The following PAMR1 variants were observed in gnomAD, a reference collection of about 807,000 sequenced individuals.
PAMR1 encodes peptidase domain containing associated with muscle regeneration 1.
PAMR1 carries 88 observed loss-of-function variants against 81.8 expected under a neutral mutation model. The observed-to-expected ratio is 1.08, with a 90% CI of 0.91 to 1.28. PAMR1 has a LOEUF of 1.28. Ranked by LOEUF, PAMR1 falls within the 50% of genes most tolerant of loss-of-function variation. PAMR1 has a pLI of 0.00. For synonymous variants in PAMR1, 336 were observed against 345.3 expected, an observed-to-expected ratio of 0.97 and a Z score of 0.30; for missense variants, 935 against 919.7, an observed-to-expected ratio of 1.02 and a Z score of -0.21.
At chr11:35,486,040 C>T (rs1418157050) in intron 3 of PAMR1, among the ~76,000 whole-genome samples, 1 of 152,230 alleles carries the variant, frequency 6.6e-6, no homozygotes, top group Non-Finnish European at 1.5e-5. Context: ...GAATTCCCTA[C>T]ACATTTATTT....
chr11:35,480,753 G>A (rs1307837132), intron 3 of PAMR1, among the ~76,000 whole-genome samples: 2 of 152,064 alleles, frequency 1.3e-5, no homozygotes, highest in Non-Finnish European at 2.9e-5. Context: ...TTGTTACATA[G>A]GAATACACGT....
At position 35,437,046 on chromosome 11, in the gene PAMR1, C is replaced by G. The variant is rs79146052; in HGVS notation, c.1101-911G>C. Among the ~76,000 whole-genome samples the G allele has an allele frequency of 5.1e-3, 769 of 152,250 alleles. 5 individuals carry two copies. Among genetic ancestry groups the G allele is most frequent in the African/African-American group, 0.018 (727 of 41,530 alleles). ...TACACCTCAGAGAATAGAACTTTCTCTCAGGGCGCATTGATCGGGAGAAAT... is the reference window on the plus strand; with the variant it reads ...TACACCTCAGAGAATAGAACTTTCTGTCAGGGCGCATTGATCGGGAGAAAT... On this transcript the variant is annotated intron_variant, in intron 8 of 10. Transcript: ENST00000619888.
chr11:35,461,329 G>A (rs1856650007), intron 6 of PAMR1, among the ~76,000 whole-genome samples: 1 of 152,214 alleles, frequency 6.6e-6, no homozygotes, highest in Non-Finnish European at 1.5e-5. Context: ...AGCTCTTGGA[G>A]GTAGTCTTGC....
chr11:35,462,096 G>A (rs550223216), intron 6 of PAMR1, among the ~76,000 whole-genome samples: 4 of 151,372 alleles, frequency 2.6e-5, no homozygotes, highest in Non-Finnish European at 5.9e-5. Flanking sequence ...TTACTCTGAA[G>A]TCTTGTCTCC....
intron 3 of PAMR1, among the ~76,000 whole-genome samples, chr11:35,475,900 A>G (rs1850276313): frequency 6.6e-6 from 1 of 152,222 alleles, no homozygotes; most frequent in Non-Finnish European, 1.5e-5. Context: ...CCCTATTTCT[A>G]TACAGAAATC....
chr11:35,514,301 C>T (rs150746658), intron 1 of PAMR1, among the ~76,000 whole-genome samples: 31 of 152,292 alleles, frequency 2.0e-4, no homozygotes, highest in South Asian at 4.1e-4. Context: ...GGCAAGGGAA[C>T]GAAGGAGGCG....
At chr11:35,448,205 G>T (rs2135350345) in intron 6 of PAMR1, among the ~76,000 whole-genome samples, 1 of 152,302 alleles carries the variant, frequency 6.6e-6, no homozygotes, top group South Asian at 2.1e-4. Flanking sequence ...CTAGGTTGGG[G>T]AAGTTCTCCT....
chr11:35,457,582 A>C (rs1856563001), intron 6 of PAMR1, among the ~76,000 whole-genome samples: 1 of 152,084 alleles, frequency 6.6e-6, no homozygotes, highest in Non-Finnish European at 1.5e-5. Flanking sequence ...GACCTCTATT[A>C]AGTTAGCTCC....
intron 1 of PAMR1, among the ~76,000 whole-genome samples, chr11:35,499,511 G>A (rs1590379563): frequency 6.6e-6 from 1 of 152,238 alleles, no homozygotes; most frequent in Non-Finnish European, 1.5e-5. Context: ...AACATGGAAG[G>A]CCATTTAAGG....
At chr11:35,445,108 A>C (rs945051862) in intron 6 of PAMR1, among the ~76,000 whole-genome samples, 1 of 152,102 alleles carries the variant, frequency 6.6e-6, no homozygotes, top group Non-Finnish European at 1.5e-5. Flanking sequence ...GGCAATTGTG[A>C]ATGGGAGTTC....
chr11:35,492,127 C>T lies in PAMR1; in HGVS notation c.297G>A (p.Trp99Ter). ...ENCKSCRNGS[W>*]GGTLDDFYVK... ...CATAGAAGTCATCCAAGGTACCCCC[C>T]CATGAGCCATTTCGGCAGCTCTTGC... The change falls in exon 3 of 11, where the codon TGG becomes TGA. Residue 99 changes from tryptophan (W) to a stop codon, truncating the protein, a stop_gained. Coordinates refer to ENST00000619888, the MANE Select transcript of PAMR1 (RefSeq NM_001001991.3). LOFTEE classifies it high-confidence loss of function. 1 of 1,614,138 alleles carries T rather than the reference C, an allele frequency of 6.2e-7. No homozygotes were observed. Among genetic ancestry groups the T allele is most frequent in the Non-Finnish European group, 8.5e-7 (1 of 1,179,988 alleles).
chr11:35,448,386 A>G (rs1033194680), intron 6 of PAMR1, among the ~76,000 whole-genome samples: 9 of 151,306 alleles, frequency 5.9e-5, no homozygotes, highest in African/African-American at 9.7e-5. Flanking sequence ...TTTCAGCAGG[A>G]TAGTTTTAAT....
At chr11:35,453,784 A>C (rs1176403482) in intron 6 of PAMR1, among the ~76,000 whole-genome samples, 2 of 152,240 alleles carry the variant, frequency 1.3e-5, no homozygotes, top group African/African-American at 4.8e-5. Context: ...GTGCAAAGCC[A>C]AATGAGAATT....
At position 35,432,207 on chromosome 11, in the gene PAMR1, C is replaced by T. The variant is rs1442515838; in HGVS notation, c.*149G>A. The T allele has an allele frequency of 3.0e-6, 2 of 677,788 alleles. No homozygotes were observed. Among genetic ancestry groups the T allele is most frequent in the African/African-American group, 3.6e-5 (2 of 55,436 alleles). 42.0% of individuals were successfully genotyped at this position (677,788 alleles called of 1,614,324 possible). A position where few individuals can be genotyped will look rare whatever the true frequency, so the allele number is the denominator to read the frequency against. On this transcript the variant is annotated 3_prime_UTR_variant, in exon 11 of 11. Coordinates refer to ENST00000619888, the MANE Select transcript of PAMR1 (RefSeq NM_001001991.3). ...CTACCAGCAATGGAGGTCTACTCAC[C>T]CTTCACTGAGTTTTGTCCCTGAAGT...
chr11:35,472,530 G>A (rs187406168), intron 4 of PAMR1, among the ~76,000 whole-genome samples: 3 of 152,322 alleles, frequency 2.0e-5, no homozygotes, highest in Admixed American at 1.3e-4. Context: ...ATTTTAGAGT[G>A]CTGAGTGCCG....
intron 1 of PAMR1, among the ~76,000 whole-genome samples, chr11:35,509,642 C>T (rs1033784490): frequency 4.6e-5 from 7 of 152,164 alleles, no homozygotes; most frequent in African/African-American, 1.7e-4. Flanking sequence ...CCAACTCCTT[C>T]ACTTTACCAG....
At chr11:35,513,281 T>G (rs1187320725) in intron 1 of PAMR1, 1 of 152,270 alleles carries the variant, frequency 6.6e-6, no homozygotes, top group East Asian at 1.9e-4. Context: ...TCATCTCATT[T>G]AATCCTTACA....
intron 2 of PAMR1, among the ~76,000 whole-genome samples, chr11:35,493,631 C>T (rs1272161412): frequency 2.0e-5 from 3 of 152,186 alleles, no homozygotes; most frequent in African/African-American, 7.2e-5. Flanking sequence ...AGCATGCTCA[C>T]CACCTTCTCT....
chr11:35,503,142 G>A (rs1163342840), intron 1 of PAMR1, among the ~76,000 whole-genome samples: 1 of 152,044 alleles, frequency 6.6e-6, no homozygotes, highest in East Asian at 1.9e-4. Flanking sequence ...AAATGAGGTG[G>A]CTATAAGAAA....
Sources: allele counts gnomAD v4.1 joint callset (sites outside exome capture counted in the v4.1 genomes callset), GRCh38; gene constraint gnomAD v4.1.1; transcripts MANE v1.5; gene names NCBI Gene and HGNC (gene_info 2026-07-23, HGNC 2026-07-21).